Variants in CCDC85B observed in about 807,000 individuals in gnomAD.
The protein encoded by CCDC85B is coiled-coil domain-containing protein 85B.
In CCDC85B, 8 loss-of-function variants were observed where a neutral mutation model predicts 13.6. The ratio of observed to expected loss-of-function variants is 0.59; its 90% CI spans 0.35 to 1.06. The LOEUF is 1.06. Ranked by LOEUF, CCDC85B falls within the 50% of genes least tolerant of loss-of-function variation. The pLI is 0.02. For synonymous variants in CCDC85B, 118 were observed against 135.9 expected (o/e 0.87, Z 0.92); for missense variants, 217 against 285.9 (o/e 0.76, Z 1.74).
In CCDC85B at chr11:65,891,380, C is replaced by G; in HGVS notation, c.597C>G (p.Ser199=). 1.3e-6 allele frequency: 2 copies of G among 1,578,440 alleles called. No individual in the cohort carries two copies. The highest frequency in any genetic ancestry group is 1.7e-6 in the Non-Finnish European group (2 of 1,166,318). Residue 199 remains serine, a synonymous_variant, in exon 1 of 1, where the codon TCC becomes TCG. Coordinates refer to ENST00000312579, the MANE Select transcript of CCDC85B (RefSeq NM_006848.3). This position sits in a 1 kb window ranked among gnomAD's most constrained non-coding sequence, Gnocchi z 7.3. ...CGGATCAGTTGCCCCTGGCCTGTTCCCCCGATGATTGAAGGCACTGCTTCC... is the reference window on the plus strand; with the variant it reads ...CGGATCAGTTGCCCCTGGCCTGTTCGCCCGATGATTGAAGGCACTGCTTCC... ...GSPDQLPLAC[S]PDD
In CCDC85B at chr11:65,891,432, TCC is replaced by T; in HGVS notation, c.*43_*44del. 6.6e-7 allele frequency: 1 copy of T among 1,515,708 alleles called. No homozygotes were observed. Among genetic ancestry groups the T allele is most frequent in the East Asian group, 2.6e-5 (1 of 38,812 alleles). The allele number at this position is 1,515,708 out of a possible 1,614,324, so 93.9% of individuals were successfully genotyped here. On this transcript the variant is annotated 3_prime_UTR_variant, in exon 1 of 1. Coordinates refer to ENST00000312579, the MANE Select transcript of CCDC85B (RefSeq NM_006848.3). The surrounding 1 kb of genome is among the most constrained non-coding windows in gnomAD (Gnocchi z 7.3). The stretch of plus-strand genomic sequence containing the variant: ...CCACGCCGACGCCCGCCCGGATTGC[TCC>T]CCGAGCCCCGGGACCGCTGTGGACC...
In CCDC85B at chr11:65,891,190, C is replaced by G; in HGVS notation, c.407C>G (p.Ala136Gly). ...GAGGAGCTGCTGCGGGAGAACCTAGCGCTTAAGGAGCTCTGCCTGGCGCTG... is the reference window on the plus strand; with the variant it reads ...GAGGAGCTGCTGCGGGAGAACCTAGGGCTTAAGGAGCTCTGCCTGGCGCTG... ...RQEELLRENL[A>G]LKELCLALGE... Residue 136 changes from alanine (A) to glycine (G), a missense_variant, in exon 1 of 1, where the codon GCG becomes GGG. By Grantham distance (60) the Ala-to-Gly change is moderately conservative (BLOSUM62 0). Coordinates refer to ENST00000312579, the MANE Select transcript of CCDC85B (RefSeq NM_006848.3). This position sits in a 1 kb window ranked among gnomAD's most constrained non-coding sequence, Gnocchi z 7.3. 2 of 1,527,700 alleles carry G rather than the reference C, an allele frequency of 1.3e-6. No individual in the cohort carries two copies. The highest frequency in any genetic ancestry group is 2.5e-5 in the South Asian group (2 of 80,716). 94.6% of individuals were successfully genotyped at this position (1,527,700 alleles called of 1,614,324 possible).
Sources: gnomAD v4.1 joint callset for allele counts on GRCh38, gnomAD v4.1.1 for gene constraint, Gnocchi (gnomAD v3.1) non-coding constraint, MANE v1.5 for transcripts, NCBI Gene and HGNC (gene_info 2026-07-23, HGNC 2026-07-21) for gene names.